The following SPMIP7 variants were observed in gnomAD, a reference collection of about 807,000 sequenced individuals.
SPMIP7 encodes the protein protein SPMIP7.
At chr7:50,110,597 G>T in the SPMIP7 span, among the ~76,000 whole-genome samples, 1 of 138,464 alleles carries the variant, frequency 7.2e-6, no homozygotes, top group Non-Finnish European at 1.5e-5. Context: ...ATTTGACATA[G>T]TATATACTAA....
At chr7:50,110,258 C>T in the SPMIP7 span, among the ~76,000 whole-genome samples, 2 of 150,720 alleles carry the variant, frequency 1.3e-5, no homozygotes, top group Non-Finnish European at 3.0e-5. Context: ...TGCATAAAAC[C>T]AAAATCAATG....
At chr7:50,117,920 A>G in the SPMIP7 span, among the ~76,000 whole-genome samples, 1 of 152,200 alleles carries the variant, frequency 6.6e-6, no homozygotes, top group Admixed American at 6.5e-5. Context: ...CTCCAAGCAA[A>G]TGCACTCCTT....
chr7:50,109,263 A>G, the SPMIP7 span, among the ~76,000 whole-genome samples: 1 of 152,214 alleles, frequency 6.6e-6, no homozygotes, highest in Admixed American at 6.5e-5. Flanking sequence ...AAGGAGATAA[A>G]CACAACTTCA....
At chr7:50,109,362 A>AATTTATTT in the SPMIP7 span, among the ~76,000 whole-genome samples, 1 of 12,624 alleles carries the variant, frequency 7.9e-5, no homozygotes, top group African/African-American at 1.1e-4. Flanking sequence ...AACACAGTTT[A>AATTTATTT]ATTTATTTAT....
chr7:50,130,404 T>C, the SPMIP7 span, among the ~76,000 whole-genome samples: 2 of 151,972 alleles, frequency 1.3e-5, no homozygotes, highest in South Asian at 4.2e-4. Context: ...TATAAAACCA[T>C]CAGATCTCGT....
At chr7:50,103,809 T>C in the SPMIP7 span, among the ~76,000 whole-genome samples, 2 of 152,172 alleles carry the variant, frequency 1.3e-5, no homozygotes, top group African/African-American at 4.8e-5. Context: ...CACACCATAT[T>C]GAGATTATCT....
the SPMIP7 span, among the ~76,000 whole-genome samples, chr7:50,113,768 A>T: frequency 6.6e-6 from 1 of 152,256 alleles, no homozygotes; most frequent in East Asian, 1.9e-4. Context: ...TGACACAATG[A>T]CACAAATTGT....
the SPMIP7 span, among the ~76,000 whole-genome samples, chr7:50,111,170 C>T: frequency 2.7e-5 from 4 of 149,974 alleles, no homozygotes; most frequent in African/African-American, 4.9e-5. Flanking sequence ...GGGTAATACC[C>T]GAGATTTGTT....
the SPMIP7 span, among the ~76,000 whole-genome samples, chr7:50,110,447 TTA>T: frequency 6.8e-6 from 1 of 147,224 alleles, no homozygotes; most frequent in Non-Finnish European, 1.5e-5. Context: ...AGTTTATATA[TTA>T]TATATTGTAT....
chr7:50,119,433 G>C, the SPMIP7 span, among the ~76,000 whole-genome samples: 2 of 152,072 alleles, frequency 1.3e-5, no homozygotes, highest in East Asian at 1.9e-4. Flanking sequence ...CATCCTAATC[G>C]TTCCCTTTCT....
At chr7:50,098,707 C>T in the SPMIP7 span, among the ~76,000 whole-genome samples, 1 of 152,082 alleles carries the variant, frequency 6.6e-6, no homozygotes, top group East Asian at 1.9e-4. Context: ...GCTCTAGTCT[C>T]CCTTCCTCTA....
the SPMIP7 span, among the ~76,000 whole-genome samples, chr7:50,115,350 G>A: frequency 1.7e-4 from 26 of 152,144 alleles, no homozygotes; most frequent in African/African-American, 3.4e-4. Context: ...CAGATTTACC[G>A]TTAGTAGATA....
chr7:50,108,872 T>C, the SPMIP7 span, among the ~76,000 whole-genome samples: 1 of 152,152 alleles, frequency 6.6e-6, no homozygotes, highest in Admixed American at 6.5e-5. Flanking sequence ...GGGGATTGGG[T>C]TGTAAAATGC....
chr7:50,158,908 G>A, the SPMIP7 span: 37 of 786,100 alleles, frequency 4.7e-5, no homozygotes, highest in African/African-American at 5.9e-4. Context: ...TCCCCAGCAC[G>A]AGTCATCCTC....
chr7:50,125,193 C>T, the SPMIP7 span, among the ~76,000 whole-genome samples: 57 of 15,690 alleles, frequency 3.6e-3, 2 homozygotes, highest in African/African-American at 9.0e-3. Context: ...CACATATATA[C>T]ACATATATAT....
At chr7:50,153,795 C>A in the SPMIP7 span, among the ~76,000 whole-genome samples, 4 of 152,276 alleles carry the variant, frequency 2.6e-5, no homozygotes, top group Admixed American at 1.3e-4. Flanking sequence ...AGCAAGCATT[C>A]CTCATGGCAC....
chr7:50,099,966 T>C, the SPMIP7 span, among the ~76,000 whole-genome samples: 5 of 151,254 alleles, frequency 3.3e-5, no homozygotes, highest in African/African-American at 1.2e-4. Flanking sequence ...TACCGAGAAG[T>C]TGGGGTGCTG....
the SPMIP7 span, among the ~76,000 whole-genome samples, chr7:50,125,285 CACAT>C: frequency 9.9e-3 from 748 of 75,488 alleles, 57 homozygotes; most frequent in Non-Finnish European, 0.015. Context: ...CACATATATA[CACAT>C]ATATATACAC....
chr7:50,149,245 T>A, the SPMIP7 span, among the ~76,000 whole-genome samples: 1 of 152,160 alleles, frequency 6.6e-6, no homozygotes, highest in Non-Finnish European at 1.5e-5. Flanking sequence ...TGTCTTAGCA[T>A]CTTTTCAGCT....
Sources: gnomAD v4.1 joint callset for allele counts (sites outside exome capture counted in the v4.1 genomes callset) on GRCh38, gnomAD v4.1.1 for gene constraint, MANE v1.5 for transcripts, NCBI Gene and HGNC (gene_info 2026-07-23, HGNC 2026-07-21) for gene names.